DIP2C: variants seen among roughly 807,000 people sequenced by gnomAD.
The protein encoded by DIP2C is disco-interacting protein 2 homolog C.
DIP2C carries 33 observed loss-of-function variants against 192.4 expected under a neutral mutation model. The ratio of observed to expected loss-of-function variants is 0.17; its 90% confidence interval spans 0.13 to 0.23. DIP2C has a LOEUF of 0.23. Among genes scored for constraint, DIP2C ranks in the 10% least tolerant of loss-of-function variants. The pLI is 1.00. For missense variants in DIP2C, 1,537 were observed against 2,110.1 expected, an observed-to-expected ratio of 0.73 and a Z score of 5.32; for synonymous variants, 979 against 864.1, an observed-to-expected ratio of 1.13 and a Z score of -2.33.
chr10:486,374 G>T, intron 2 of DIP2C, 85 bp downstream of exon 2: 1 of 1,309,148 alleles, frequency 7.6e-7, no homozygotes, highest in South Asian at 1.6e-5. Context: ...TGGGAAGCAA[G>T]GGAGCGTCTG....
At chr10:357,257 G>C (rs1327802292) in intron 23 of DIP2C, among the ~76,000 whole-genome samples, 2 of 152,202 alleles carry the variant, frequency 1.3e-5, no homozygotes, top group African/African-American at 4.8e-5. Flanking sequence ...CTGGGCCTCG[G>C]GAGTTTCTCC....
At chr10:312,319 G>C (rs561929659) in intron 31 of DIP2C, among the ~76,000 whole-genome samples, 8 of 152,300 alleles carry the variant, frequency 5.3e-5, no homozygotes, top group African/African-American at 1.9e-4. Flanking sequence ...AAGCTCCTTG[G>C]ATGCAAGGTA....
chr10:333,854 G>A (rs1957615821), intron 29 of DIP2C, among the ~76,000 whole-genome samples: 3 of 152,192 alleles, frequency 2.0e-5, no homozygotes, highest in Admixed American at 2.0e-4. Context: ...TCTAGTGGGT[G>A]TGAAGTGGTA....
intron 1 of DIP2C, among the ~76,000 whole-genome samples, chr10:583,818 T>TA (rs1362896428): frequency 6.6e-6 from 1 of 152,100 alleles, no homozygotes; most frequent in Non-Finnish European, 1.5e-5. Flanking sequence ...CACTGCCCAA[T>TA]ACTGATGTGA....
At chr10:640,166 C>T (rs746218885) in intron 1 of DIP2C, among the ~76,000 whole-genome samples, 4 of 152,236 alleles carry the variant, frequency 2.6e-5, no homozygotes, top group Non-Finnish European at 5.9e-5. Flanking sequence ...ACGCGGCTAA[C>T]ACACACCTCC....
intron 7 of DIP2C, among the ~76,000 whole-genome samples, chr10:415,158 G>A (rs1410587504): frequency 1.3e-5 from 2 of 152,008 alleles, no homozygotes; most frequent in Non-Finnish European, 2.9e-5. Context: ...CAATCCTTGA[G>A]AGAGGTGAAG....
At chr10:350,622 G>A (rs994790604) in intron 24 of DIP2C, among the ~76,000 whole-genome samples, 6 of 142,672 alleles carry the variant, frequency 4.2e-5, no homozygotes, top group African/African-American at 1.0e-4. Flanking sequence ...CTGAACACCC[G>A]GGCTCAGGAA....
chr10:336,630 T>C (rs1402137336), intron 29 of DIP2C, among the ~76,000 whole-genome samples: 1 of 152,218 alleles, frequency 6.6e-6, no homozygotes, highest in Non-Finnish European at 1.5e-5. Flanking sequence ...TTTTACAGCA[T>C]CCTCCTACTT....
chr10:673,899 G>T lies in DIP2C; in HGVS notation c.85+15595C>A, dbSNP rs140578447. 6.0e-3 allele frequency among the ~76,000 whole-genome samples: 908 copies of T among 152,342 alleles called. 6 individuals carry two copies. Among genetic ancestry groups the T allele is most frequent in the Non-Finnish European group, 7.3e-3 (498 of 68,044 alleles). On this transcript the variant is annotated intron_variant, in intron 1 of 36. Coordinates refer to ENST00000280886, the MANE Select transcript of DIP2C (RefSeq NM_014974.3). ...TTTTAAGATATTGAGACCATCACTG[G>T]AGGATTCCAGGAACCCATTACAGAT...
At chr10:512,107 A>G (rs887074482) in intron 1 of DIP2C, among the ~76,000 whole-genome samples, 2 of 152,210 alleles carry the variant, frequency 1.3e-5, no homozygotes, top group Non-Finnish European at 2.9e-5. Context: ...CTCTTTGTAA[A>G]TGTCAACCTT....
At chr10:470,699 C>T (rs923676737) in intron 3 of DIP2C, among the ~76,000 whole-genome samples, 1 of 152,276 alleles carries the variant, frequency 6.6e-6, no homozygotes, top group Non-Finnish European at 1.5e-5. Context: ...ATGTAGGAAA[C>T]ACGCAGTGGC....
intron 28 of DIP2C, among the ~76,000 whole-genome samples, chr10:342,230 C>T (rs894919903): frequency 6.6e-6 from 1 of 152,072 alleles, no homozygotes; most frequent in African/African-American, 2.4e-5. Flanking sequence ...GCGATCTCCG[C>T]TCACTGCAAA....
chr10:614,497 T>C (rs1588606739), intron 1 of DIP2C, among the ~76,000 whole-genome samples: 1 of 151,922 alleles, frequency 6.6e-6, no homozygotes, highest in Admixed American at 6.5e-5. Flanking sequence ...GCCTAAGGGA[T>C]CCCCCCACGA....
chr10:500,673 T>C (rs980097569), intron 1 of DIP2C, among the ~76,000 whole-genome samples: 2 of 152,264 alleles, frequency 1.3e-5, no homozygotes, highest in African/African-American at 4.8e-5. Flanking sequence ...TAAAAAGTTG[T>C]ATTTTAACTT....
At chr10:631,804 G>T (rs1446047628) in intron 1 of DIP2C, among the ~76,000 whole-genome samples, 3 of 152,156 alleles carry the variant, frequency 2.0e-5, no homozygotes, top group Non-Finnish European at 4.4e-5. Flanking sequence ...ATGTTTTCAT[G>T]ATATACAAGC....
At chr10:587,674 C>T (rs957787920) in intron 1 of DIP2C, among the ~76,000 whole-genome samples, 3 of 140,942 alleles carry the variant, frequency 2.1e-5, no homozygotes, top group African/African-American at 8.1e-5. Flanking sequence ...CCTGACCCTG[C>T]GGAAACCCCA....
chr10:351,651 C>G (rs1958816882), intron 24 of DIP2C, among the ~76,000 whole-genome samples: 1 of 152,186 alleles, frequency 6.6e-6, no homozygotes, highest in Admixed American at 6.5e-5. Context: ...AGCCCAAGAG[C>G]AGGTGGCAGC....
intron 17 of DIP2C, chr10:369,896 G>GC (rs938091200): frequency 2.9e-6 from 4 of 1,364,420 alleles, no homozygotes; most frequent in African/African-American, 2.9e-5. Context: ...CTCCTCTCCT[G>GC]CCCCCTCTAT....
chr10:307,727 G>T (rs1195765132), intron 32 of DIP2C, among the ~76,000 whole-genome samples: 1 of 152,264 alleles, frequency 6.6e-6, no homozygotes, highest in African/African-American at 2.4e-5. Context: ...CAGAAGCCGG[G>T]AGGGAAGGGC....
Sources: allele counts gnomAD v4.1 joint callset (sites outside exome capture counted in the v4.1 genomes callset), GRCh38; gene constraint gnomAD v4.1.1; transcripts MANE v1.5; gene names NCBI Gene and HGNC (gene_info 2026-07-23, HGNC 2026-07-21).